Variants in OSBPL10 observed in about 807,000 individuals in gnomAD.
The protein encoded by OSBPL10 is oxysterol binding protein like 10, also known as oxysterol-binding protein-related protein 10.
Under a neutral mutation model 81.7 loss-of-function variants are expected in OSBPL10, and 49 were observed. That is an observed-to-expected ratio of 0.60 (90% confidence interval 0.48 to 0.76). The LOEUF (loss-of-function observed/expected upper bound fraction) is 0.76. OSBPL10 is among the 30% of genes least tolerant of loss of function. OSBPL10 has a pLI of 0.00. For missense variants in OSBPL10, 923 were observed against 987.8 expected, an observed-to-expected ratio of 0.93 and a Z score of 0.88; for synonymous variants, 419 against 383.6, an observed-to-expected ratio of 1.09 and a Z score of -1.08.
chr3:31,808,151 G>A (rs1035246416), intron 4 of OSBPL10, among the ~76,000 whole-genome samples: 2 of 152,106 alleles, frequency 1.3e-5, no homozygotes, highest in African/African-American at 4.8e-5. Context: ...CCACAATTCT[G>A]TACTCACCCA....
chr3:31,782,302 A>G (rs913814409), intron 4 of OSBPL10, among the ~76,000 whole-genome samples: 1 of 152,244 alleles, frequency 6.6e-6, no homozygotes, highest in Non-Finnish European at 1.5e-5. Flanking sequence ...TGAATCAAAG[A>G]CTTAAATATA....
chr3:31,854,947 C>T (rs2125584049), intron 3 of OSBPL10, among the ~76,000 whole-genome samples: 1 of 152,256 alleles, frequency 6.6e-6, no homozygotes, highest in East Asian at 1.9e-4. Flanking sequence ...CCAATTAATT[C>T]CATGTCAGTG....
chr3:32,075,692 C>T (rs1285207526), intron 1 of OSBPL10, among the ~76,000 whole-genome samples: 1 of 152,112 alleles, frequency 6.6e-6, no homozygotes, highest in Non-Finnish European at 1.5e-5. Context: ...ATTATCTCTC[C>T]ATACCACCTC....
chr3:31,926,291 C>CCCCCG (rs1553641108), intron 1 of OSBPL10, among the ~76,000 whole-genome samples: 2 of 142,792 alleles, frequency 1.4e-5, no homozygotes, highest in East Asian at 4.5e-4. Context: ...GTGATTTTGC[C>CCCCCG]CCCCCAGAGG....
chr3:31,921,378 G>A (rs1696908048), intron 1 of OSBPL10, among the ~76,000 whole-genome samples: 1 of 152,072 alleles, frequency 6.6e-6, no homozygotes, highest in Non-Finnish European at 1.5e-5. Context: ...CTGATTCTAA[G>A]ACTGGGGCAG....
At chr3:31,989,223 A>C (rs971185294) in intron 2 of OSBPL10, 11 of 1,614,210 alleles carry the variant, frequency 6.8e-6, no homozygotes, top group Non-Finnish European at 8.5e-6. Context: ...AGAGGGCTTT[A>C]TACAGGGCCA....
chr3:31,900,025 CT>C (rs11423783), intron 1 of OSBPL10, among the ~76,000 whole-genome samples: 1,799 of 135,420 alleles, frequency 0.013, 19 homozygotes, highest in African/African-American at 0.012. Context: ...GAAAATAAAA[CT>C]TTTTTTTTTT....
intron 3 of OSBPL10, among the ~76,000 whole-genome samples, chr3:31,858,910 G>A (rs1700994025): frequency 6.6e-6 from 1 of 152,168 alleles, no homozygotes; most frequent in Admixed American, 6.5e-5. Context: ...GGTAGAACTT[G>A]GCTTAACAAC....
chr3:31,778,371 T>A (rs950310660), intron 4 of OSBPL10, among the ~76,000 whole-genome samples: 16 of 152,126 alleles, frequency 1.1e-4, no homozygotes, highest in African/African-American at 3.1e-4. Flanking sequence ...GAGTCTGAGC[T>A]CAGACCCGCC....
intron 1 of OSBPL10, among the ~76,000 whole-genome samples, chr3:31,951,963 T>C (rs1262634536): frequency 6.6e-6 from 1 of 152,168 alleles, no homozygotes; most frequent in East Asian, 1.9e-4. Flanking sequence ...TAAAACTCCA[T>C]TAGTGTGCAA....
intron 3 of OSBPL10, among the ~76,000 whole-genome samples, chr3:31,870,420 G>A (rs767741183): frequency 6.5e-4 from 99 of 152,342 alleles, no homozygotes; most frequent in African/African-American, 1.3e-3. Flanking sequence ...GCTCCTGTGC[G>A]GCCCGAGCCT....
intron 4 of OSBPL10, among the ~76,000 whole-genome samples, chr3:31,791,020 G>A (rs1698994786): frequency 6.6e-6 from 1 of 152,108 alleles, no homozygotes; most frequent in Admixed American, 6.5e-5. Context: ...CTTAACAAAT[G>A]CAAAAGAAGG....
intron 4 of OSBPL10, among the ~76,000 whole-genome samples, chr3:31,816,849 G>A (rs1255768828): frequency 3.3e-5 from 5 of 152,132 alleles, no homozygotes; most frequent in Non-Finnish European, 7.4e-5. Flanking sequence ...GCCCTGGAGA[G>A]GGTGGCTCCT....
intron 2 of OSBPL10, among the ~76,000 whole-genome samples, chr3:31,998,335 T>C (rs930389728): frequency 2.6e-5 from 4 of 152,190 alleles, no homozygotes; most frequent in Non-Finnish European, 4.4e-5. Flanking sequence ...CACTGGCGAC[T>C]CACCCTTTGA....
intron 2 of OSBPL10, among the ~76,000 whole-genome samples, chr3:32,036,347 CA>C (rs917403427): frequency 1.3e-5 from 2 of 151,740 alleles, no homozygotes; most frequent in East Asian, 1.9e-4. Flanking sequence ...TGCACCCAGC[CA>C]AAAAAAATTT....
intron 2 of OSBPL10, among the ~76,000 whole-genome samples, chr3:31,876,917 T>TTG (rs1291430988): frequency 4.0e-5 from 6 of 151,408 alleles, no homozygotes; most frequent in African/African-American, 1.5e-4. Flanking sequence ...TTTTTTTTTT[T>TTG]TTTTGAGACG....
intron 1 of OSBPL10, among the ~76,000 whole-genome samples, chr3:31,972,463 G>A (rs1057399359): frequency 3.9e-4 from 59 of 149,876 alleles, no homozygotes; most frequent in African/African-American, 1.4e-3. Context: ...CAGCTGCAGC[G>A]GTGGTTTTCA....
At chr3:31,787,798 C>CA (rs1248915384) in intron 4 of OSBPL10, among the ~76,000 whole-genome samples, 34 of 152,114 alleles carry the variant, frequency 2.2e-4, no homozygotes, top group African/African-American at 8.2e-4. Context: ...CTTCTAGGTG[C>CA]AGTTCAGAAT....
chr3:31,962,746 T>G (rs1388357747), intron 1 of OSBPL10, among the ~76,000 whole-genome samples: 2 of 152,216 alleles, frequency 1.3e-5, no homozygotes, highest in African/African-American at 2.4e-5. Flanking sequence ...ACATAAAGTC[T>G]TGTCTAGGGG....
Sources: allele counts gnomAD v4.1 joint callset (sites outside exome capture counted in the v4.1 genomes callset), GRCh38; gene constraint gnomAD v4.1.1; transcripts MANE v1.5; gene names NCBI Gene and HGNC (gene_info 2026-07-23, HGNC 2026-07-21).